The following CSMD1 variants were observed in gnomAD, a reference collection of about 807,000 sequenced individuals.
CSMD1 encodes CUB and Sushi multiple domains 1.
In CSMD1, 213 loss-of-function variants were observed where a neutral mutation model predicts 417.5. The ratio of observed to expected loss-of-function variants is 0.51; its 90% CI spans 0.46 to 0.57. The LOEUF (loss-of-function observed/expected upper bound fraction) is 0.57, where lower values mean the gene tolerates loss of function less well. CSMD1 is among the 20% of genes least tolerant of loss of function. The pLI, the probability that CSMD1 is intolerant of heterozygous loss-of-function variation, is 0.00. For missense variants in CSMD1, 6,923 were observed against 4,529.7 expected, an observed-to-expected ratio of 1.53 and a Z score of -15.17; for synonymous variants, 2,862 against 1,736.8, an observed-to-expected ratio of 1.65 and a Z score of -16.11.
At chr8:3,739,423 G>T (rs1195238428) in intron 6 of CSMD1, among the ~76,000 whole-genome samples, 3 of 152,148 alleles carry the variant, frequency 2.0e-5, no homozygotes, top group Non-Finnish European at 2.9e-5. Context: ...CCAACACAGA[G>T]AAATAATAAA....
chr8:4,894,786 T>G (rs1056268453), intron 1 of CSMD1, among the ~76,000 whole-genome samples: 1 of 151,990 alleles, frequency 6.6e-6, no homozygotes, highest in African/African-American at 2.4e-5. Flanking sequence ...TTCTGACTTT[T>G]AATTTTATTT....
chr8:4,190,375 G>A (rs998519382), intron 3 of CSMD1, among the ~76,000 whole-genome samples: 2 of 151,610 alleles, frequency 1.3e-5, no homozygotes, highest in African/African-American at 2.4e-5. Flanking sequence ...CCTCACCAAT[G>A]AAGCAGCCAC....
At chr8:3,127,264 G>C (rs1817558368) in intron 41 of CSMD1, 1 of 152,308 alleles carries the variant, frequency 6.6e-6, no homozygotes, top group African/African-American at 2.4e-5. Flanking sequence ...TAGGTTGAAA[G>C]CTCAATTCAC....
At chr8:4,516,266 G>A (rs1036173391) in intron 2 of CSMD1, among the ~76,000 whole-genome samples, 3 of 152,052 alleles carry the variant, frequency 2.0e-5, no homozygotes, top group Non-Finnish European at 4.4e-5. Context: ...AGCCAAGGAG[G>A]GGCCTCAGGA....
At chr8:4,663,608 C>G (rs1030066202) in intron 1 of CSMD1, among the ~76,000 whole-genome samples, 3 of 152,152 alleles carry the variant, frequency 2.0e-5, no homozygotes, top group African/African-American at 7.2e-5. Flanking sequence ...CTTGCTCCAG[C>G]CAAGGAAGAC....
At chr8:4,380,344 G>C (rs551594026) in intron 3 of CSMD1, among the ~76,000 whole-genome samples, 1 of 152,290 alleles carries the variant, frequency 6.6e-6, no homozygotes, top group African/African-American at 2.4e-5. Flanking sequence ...TCATGGGAAT[G>C]ACACTTCACC....
At chr8:3,693,081 C>G (rs1438363694) in intron 7 of CSMD1, among the ~76,000 whole-genome samples, 1 of 152,012 alleles carries the variant, frequency 6.6e-6, no homozygotes, top group Non-Finnish European at 1.5e-5. Flanking sequence ...TACATTTATT[C>G]TAGATGTTGA....
chr8:3,199,994 A>C (rs1382597456), intron 32 of CSMD1, among the ~76,000 whole-genome samples, 185 bp from the exon 33 acceptor site: 1 of 152,212 alleles, frequency 6.6e-6, no homozygotes, highest in Non-Finnish European at 1.5e-5. Context: ...GTCCTAGGCA[A>C]GAATAGGCAG....
At chr8:4,611,217 G>A (rs1449550496) in intron 2 of CSMD1, among the ~76,000 whole-genome samples, 1 of 152,040 alleles carries the variant, frequency 6.6e-6, no homozygotes, top group African/African-American at 2.4e-5. Context: ...TAAATATAAA[G>A]GAAATCTTAC....
chr8:4,333,642 A>C (rs150148955), intron 3 of CSMD1, among the ~76,000 whole-genome samples: 1 of 152,252 alleles, frequency 6.6e-6, no homozygotes, highest in Non-Finnish European at 1.5e-5. Context: ...CTAAATCTAG[A>C]CACACTGAGA....
At chr8:4,155,666 G>A (rs542617014) in intron 3 of CSMD1, among the ~76,000 whole-genome samples, 1 of 152,068 alleles carries the variant, frequency 6.6e-6, no homozygotes, top group Non-Finnish European at 1.5e-5. Flanking sequence ...TCAAAGAAAC[G>A]TGACAGATTT....
chr8:3,551,538 T>A (rs994463457), intron 10 of CSMD1, among the ~76,000 whole-genome samples: 3 of 150,806 alleles, frequency 2.0e-5, no homozygotes, highest in African/African-American at 7.3e-5. Context: ...GCTTCTATAT[T>A]GGTAAAGCTC....
At chr8:4,591,889 T>A (rs182198956) in intron 2 of CSMD1, among the ~76,000 whole-genome samples, 133 of 152,078 alleles carry the variant, frequency 8.7e-4, no homozygotes, top group Non-Finnish European at 8.5e-4. Context: ...GTGGGGAGGC[T>A]GAAAGTTGGG....
At chr8:4,678,965 T>C (rs976930060) in intron 1 of CSMD1, among the ~76,000 whole-genome samples, 2 of 152,186 alleles carry the variant, frequency 1.3e-5, no homozygotes, top group Non-Finnish European at 2.9e-5. Flanking sequence ...CCAGCTATGC[T>C]AAGAGTTGTG....
chr8:3,539,092 C>G (rs1226339667), intron 10 of CSMD1, among the ~76,000 whole-genome samples: 1 of 152,178 alleles, frequency 6.6e-6, no homozygotes, highest in Non-Finnish European at 1.5e-5. Flanking sequence ...CAGTCTTGCC[C>G]CAGTCCCTTT....
intron 3 of CSMD1, among the ~76,000 whole-genome samples, chr8:4,294,545 C>G (rs1797559021): frequency 6.6e-6 from 1 of 152,142 alleles, no homozygotes; most frequent in African/African-American, 2.4e-5. Flanking sequence ...AAACACAAAT[C>G]ACTTGTCCAT....
intron 18 of CSMD1, among the ~76,000 whole-genome samples, chr8:3,372,766 G>T (rs1405793011): frequency 1.3e-5 from 2 of 152,118 alleles, no homozygotes; most frequent in Non-Finnish European, 2.9e-5. Flanking sequence ...ATTATAACAG[G>T]TTACATAGGT....
intron 11 of CSMD1, 163 bp from the exon 12 acceptor site, chr8:3,468,987 T>A (rs1340022249): frequency 2.1e-6 from 1 of 474,254 alleles, no homozygotes; most frequent in African/African-American, 2.0e-5. Context: ...ATATTAATAT[T>A]CAAACATCAC....
In CSMD1 at chr8:4,502,236, G is replaced by A. The variant is rs192574364; in HGVS notation, c.303-82171C>T. Among the ~76,000 whole-genome samples, 390 of 151,930 alleles carry A rather than the reference G, an allele frequency of 2.6e-3. 5 individuals carry two copies. The highest frequency in any genetic ancestry group is 5.2e-3 in the African/African-American group (217 of 41,444). ...ATTGCAGTAGAATGAGCAGAACGTA[G>A]AACTAGAAAGTTCTGGGTGCACATT... On this transcript the variant is annotated intron_variant, in intron 2 of 69. Transcript: ENST00000635120.
Sources: allele counts gnomAD v4.1 joint callset (sites outside exome capture counted in the v4.1 genomes callset), GRCh38; gene constraint gnomAD v4.1.1; transcripts MANE v1.5; gene names NCBI Gene and HGNC (gene_info 2026-07-23, HGNC 2026-07-21).